NRXN1: variants seen among roughly 807,000 people sequenced by gnomAD.
The protein encoded by NRXN1 is neurexin 1.
In NRXN1, 39 loss-of-function variants were observed where a neutral mutation model predicts 150.9. That is an observed-to-expected ratio of 0.26 (90% confidence interval 0.20 to 0.34). NRXN1 has a LOEUF of 0.34. Ranked by LOEUF, NRXN1 falls within the 10% of genes least tolerant of loss-of-function variation. The pLI, the probability that NRXN1 is intolerant of heterozygous loss-of-function variation, is 1.00. For synonymous variants in NRXN1, 924 were observed against 757.0 expected, an observed-to-expected ratio of 1.22 and a Z score of -3.62; for missense variants, 1,815 against 1,949.9, an observed-to-expected ratio of 0.93 and a Z score of 1.30.
In NRXN1 at chr2:50,828,597, T is replaced by C. The variant is rs552429978; in HGVS notation, c.832+93272A>G. Among the ~76,000 whole-genome samples the C allele has an allele frequency of 2.1e-3, 288 of 136,696 alleles. 1 individual carries two copies. Among genetic ancestry groups the C allele is most frequent in the African/African-American group, 7.6e-3 (270 of 35,580 alleles). 89.7% of individuals were successfully genotyped at this position (136,696 alleles called of 152,430 possible). ...GCTCCTTACATCCCAGACAGGGCGG[T>C]GGGGCAAAGGCGCTCCCCACATCTC... On this transcript the variant is annotated intron_variant, in intron 5 of 22. Coordinates refer to ENST00000401669, the MANE Select transcript of NRXN1 (RefSeq NM_001330078.2).
intron 2 of NRXN1, among the ~76,000 whole-genome samples, chr2:50,981,533 T>C (rs1397852031): frequency 6.6e-6 from 1 of 151,396 alleles, no homozygotes; most frequent in Non-Finnish European, 1.5e-5. Flanking sequence ...TGTGGAAGAT[T>C]GTCTCTTCAG....
intron 21 of NRXN1, among the ~76,000 whole-genome samples, chr2:50,005,370 C>G (rs1048657893): frequency 2.6e-5 from 4 of 152,128 alleles, no homozygotes; most frequent in African/African-American, 9.7e-5. Context: ...ATTCTTATTA[C>G]TTGAGAGGAA....
chr2:50,243,998 C>A (rs527557752), intron 17 of NRXN1, among the ~76,000 whole-genome samples: 2 of 151,898 alleles, frequency 1.3e-5, no homozygotes, highest in South Asian at 2.1e-4. Context: ...TAATTATGCG[C>A]TTCAATAAAA....
At chr2:50,815,093 C>T (rs1000494828) in intron 5 of NRXN1, among the ~76,000 whole-genome samples, 1 of 151,762 alleles carries the variant, frequency 6.6e-6, no homozygotes, top group Non-Finnish European at 1.5e-5. Context: ...TGCCTCTTCG[C>T]TTTACAATCA....
chr2:50,536,754 G>C (rs1422847217), intron 10 of NRXN1, among the ~76,000 whole-genome samples: 1 of 152,070 alleles, frequency 6.6e-6, no homozygotes, highest in Non-Finnish European at 1.5e-5. Flanking sequence ...CATCCTTTTG[G>C]CAATTTCCAA....
chr2:50,061,632 A>C (rs1694548609), intron 19 of NRXN1, among the ~76,000 whole-genome samples: 1 of 152,230 alleles, frequency 6.6e-6, no homozygotes. Flanking sequence ...TTCTAAAAGC[A>C]TAAAACTCTA....
chr2:50,087,855 T>C (rs774396094), intron 19 of NRXN1, among the ~76,000 whole-genome samples: 4 of 152,196 alleles, frequency 2.6e-5, no homozygotes, highest in Non-Finnish European at 4.4e-5. Flanking sequence ...AATGCTTTGG[T>C]TGCTTTTCAT....
At chr2:50,489,541 C>T (rs1379750887) in intron 15 of NRXN1, among the ~76,000 whole-genome samples, 1 of 140,158 alleles carries the variant, frequency 7.1e-6, no homozygotes, top group Non-Finnish European at 1.5e-5. Flanking sequence ...CTGTGCAGGT[C>T]AACCTCCCCT....
At chr2:50,181,152 A>G (rs1302112122) in intron 18 of NRXN1, among the ~76,000 whole-genome samples, 1 of 152,138 alleles carries the variant, frequency 6.6e-6, no homozygotes, top group African/African-American at 2.4e-5. Context: ...TTCTACAGGT[A>G]CATGACATAA....
chr2:50,259,907 T>C (rs2068079367), intron 17 of NRXN1, among the ~76,000 whole-genome samples: 1 of 151,866 alleles, frequency 6.6e-6, no homozygotes, highest in Non-Finnish European at 1.5e-5. Context: ...TCATTTGTGG[T>C]GCATAGGTGA....
At chr2:50,486,696 T>G (rs1334252304) in intron 15 of NRXN1, among the ~76,000 whole-genome samples, 2 of 152,146 alleles carry the variant, frequency 1.3e-5, no homozygotes, top group African/African-American at 4.8e-5. Flanking sequence ...AGGAGAGAAC[T>G]TCCCACAGAC....
chr2:50,265,900 G>C (rs953271292), intron 17 of NRXN1, among the ~76,000 whole-genome samples: 10 of 151,576 alleles, frequency 6.6e-5, no homozygotes, highest in Admixed American at 2.0e-4. Flanking sequence ...GCAAGTTAAA[G>C]CTAGAAAAAC....
intron 21 of NRXN1, among the ~76,000 whole-genome samples, chr2:50,036,098 C>G (rs78472364): frequency 3.9e-5 from 6 of 152,034 alleles, no homozygotes; most frequent in South Asian, 2.1e-4. Context: ...GTGTCCCTAC[C>G]CAAAATCTCA....
In NRXN1 at chr2:51,028,222, G is replaced by T. The variant is rs199975231; in HGVS notation, c.52C>A (p.Leu18Met). Residue 18 changes from leucine to methionine, a missense_variant, in exon 2 of 23, where the codon CTG (leucine) becomes ATG (methionine). Leu to Met is a conservative substitution (Grantham distance 15). Around this residue, in one of 6 missense-constraint regions of NRXN1, gnomAD observed 554 missense variants for 478.8 expected, o/e 1.16. Transcript: ENST00000401669. ...RGGCFLLCLSLLLLGCWAELG... is the reference protein window; with the variant it reads ...RGGCFLLCLSMLLLGCWAELG... ...TCCGCCCAGCAGCCCAGGAGCAGCA[G>T]CGAGAGGCACAGAAGAAAACAGCCC... is the stretch of plus-strand genomic sequence containing the variant. The T allele has an allele frequency of 3.4e-6, 5 of 1,478,586 alleles. No homozygotes were observed. Among genetic ancestry groups the T allele is most frequent in the Non-Finnish European group, 4.5e-6 (5 of 1,121,792 alleles). The allele number at this position is 1,478,586 out of a possible 1,614,324, so 91.6% of individuals were successfully genotyped here.
At chr2:50,163,840 C>A (rs908784714) in intron 18 of NRXN1, among the ~76,000 whole-genome samples, 2 of 152,142 alleles carry the variant, frequency 1.3e-5, no homozygotes, top group African/African-American at 4.8e-5. Flanking sequence ...ATTTTCAGGG[C>A]TGAACCAAGT....
At chr2:50,717,722 G>T (rs900621465) in intron 5 of NRXN1, among the ~76,000 whole-genome samples, 1 of 152,132 alleles carries the variant, frequency 6.6e-6, no homozygotes, top group Admixed American at 6.5e-5. Context: ...CCAAGGTCAA[G>T]GTGCCAGCAG....
rs185684078 is a variant in NRXN1, at chr2:50,347,463, A to C, written c.3365-110493T>G. The C allele has an allele frequency of 3.4e-4, 376 of 1,099,334 alleles. 8 individuals carry two copies. The East Asian group carries it at 0.026, about 75-fold the overall frequency. 68.1% of individuals were successfully genotyped at this position (1,099,334 alleles called of 1,614,324 possible). On this transcript the variant is annotated intron_variant, in intron 17 of 22. Coordinates refer to ENST00000401669, the MANE Select transcript of NRXN1 (RefSeq NM_001330078.2). The surrounding 1 kb of genome is among the most constrained non-coding windows in gnomAD (Gnocchi z 4.9). Reference sequence around the variant, plus strand: ...CCGGCCCAACCTCCTTTCAAGACAGAAGCAGACCCCATGGAATCCAGGCGC... The same window carrying C: ...CCGGCCCAACCTCCTTTCAAGACAGCAGCAGACCCCATGGAATCCAGGCGC...
rs533006881 is a variant in NRXN1, at chr2:50,055,991, GT to G, written c.3719-948del. 5.0e-3 allele frequency among the ~76,000 whole-genome samples: 754 copies of G among 151,992 alleles called. 4 individuals are homozygous for G. Among genetic ancestry groups the G allele is most frequent in the Non-Finnish European group, 8.6e-3 (582 of 67,962 alleles). The stretch of plus-strand genomic sequence containing the variant: ...GAATATTGCTTGCAAATAGATGAGT[GT>G]TTTCTTGATCTGTAGAGCACTTACG... On this transcript the variant is annotated intron_variant, in intron 19 of 22. Coordinates refer to ENST00000401669, the MANE Select transcript of NRXN1 (RefSeq NM_001330078.2).
chr2:50,790,020 T>G (rs753179610), intron 5 of NRXN1, among the ~76,000 whole-genome samples: 4 of 152,114 alleles, frequency 2.6e-5, no homozygotes, highest in Non-Finnish European at 5.9e-5. Context: ...CTGGTGGTGG[T>G]GACATGCTGG....
Sources: allele counts gnomAD v4.1 joint callset (sites outside exome capture counted in the v4.1 genomes callset), GRCh38; gene constraint gnomAD v4.1.1; regional missense constraint gnomAD v4.1.1; non-coding constraint Gnocchi (gnomAD v3.1); transcripts MANE v1.5; gene names NCBI Gene and HGNC (gene_info 2026-07-23, HGNC 2026-07-21).